Variants in VPS13B observed in about 807,000 individuals in gnomAD.
The protein encoded by VPS13B is vacuolar protein sorting 13 homolog B.
VPS13B carries 285 observed loss-of-function variants against 426.4 expected under a neutral mutation model. The observed-to-expected ratio is 0.67, with a 90% CI of 0.61 to 0.74. VPS13B has a LOEUF of 0.74. Among genes scored for constraint, VPS13B ranks in the 30% least tolerant of loss-of-function variants. The pLI is 0.00. For missense variants in VPS13B, 4,537 were observed against 4,782.6 expected (o/e 0.95, Z 1.51); for synonymous variants, 1,676 against 1,676.4 (o/e 1.00, Z 0.01).
At chr8:99,721,170 TGTGTGTGTG>T in intron 39 of VPS13B, 123 bp downstream of exon 39, 1 of 1,016,846 alleles carries the variant, frequency 9.8e-7, no homozygotes, top group Middle Eastern at 2.1e-4. Flanking sequence ...AATACACATC[TGTGTGTGTG>T]GTGTGTGTGT....
At chr8:99,470,263 C>T (rs901288728) in intron 24 of VPS13B, among the ~76,000 whole-genome samples, 1 of 152,126 alleles carries the variant, frequency 6.6e-6, no homozygotes, top group South Asian at 2.1e-4. Flanking sequence ...ACTGATTATT[C>T]CTATATACTC....
intron 3 of VPS13B, among the ~76,000 whole-genome samples, chr8:99,066,457 A>G (rs951925093): frequency 3.9e-5 from 6 of 152,338 alleles, no homozygotes; most frequent in African/African-American, 1.2e-4. Context: ...ATATGTAGAA[A>G]GCTGAAACTG....
At chr8:99,284,734 G>GTGTGTGTA (rs112069581) in intron 19 of VPS13B, among the ~76,000 whole-genome samples, 120,194 of 150,892 alleles carry the variant, frequency 0.8, 48,344 homozygotes, top group South Asian at 0.88. Context: ...GTGTGTGTGT[G>GTGTGTGTA]TGTTTTTGTA....
In VPS13B at chr8:99,853,471, C is replaced by A. The variant is rs1219748926; in HGVS notation, c.10082C>A (p.Thr3361Lys). The A allele has an allele frequency of 3.7e-6, 6 of 1,614,058 alleles. No homozygotes were observed. In the African/African-American group the frequency reaches 4.0e-5, roughly 11 times the overall value. ...TCTAGAGCGCCAGAGAAGATTGTTA[C>A]ATTTAAAATGTTCATCACTCAGTTA... ...NTNRAPEKIV[T>K]FKMFITQLSL... Residue 3361 changes from threonine (T) to lysine (K), a missense_variant, in exon 56 of 62, where the codon ACA (threonine) becomes AAA (lysine). Transcript: ENST00000357162.
At chr8:99,252,581 C>T (rs79132217) in intron 17 of VPS13B, among the ~76,000 whole-genome samples, 9,622 of 151,970 alleles carry the variant, frequency 0.063, 396 homozygotes, top group African/African-American at 0.11. Flanking sequence ...TGTTGATATC[C>T]TTGCTGATAT....
chr8:99,555,624 G>T (rs1416016165), intron 30 of VPS13B, among the ~76,000 whole-genome samples: 2 of 152,018 alleles, frequency 1.3e-5, no homozygotes, highest in African/African-American at 2.4e-5. Flanking sequence ...CCAAATTCAG[G>T]CAGACTTAAG....
At chr8:99,103,465 GACT>G (rs1337571588) in intron 5 of VPS13B, among the ~76,000 whole-genome samples, 4 of 142,584 alleles carry the variant, frequency 2.8e-5, no homozygotes, top group African/African-American at 1.0e-4. Flanking sequence ...GAGTAGCTGA[GACT>G]ACAGGCACAT....
At chr8:99,329,125 G>C (rs190365841) in intron 19 of VPS13B, among the ~76,000 whole-genome samples, 49 of 152,078 alleles carry the variant, frequency 3.2e-4, no homozygotes, top group Non-Finnish European at 4.1e-4. Context: ...CTTCCAGTTG[G>C]GCTCTTTCTG....
At chr8:99,561,441 A>C (rs980602727) in intron 31 of VPS13B, among the ~76,000 whole-genome samples, 1 of 152,158 alleles carries the variant, frequency 6.6e-6, no homozygotes, top group Non-Finnish European at 1.5e-5. Context: ...TAAGTGATCT[A>C]TGATTTATAA....
chr8:99,128,396 A>C (rs1281300982), intron 8 of VPS13B, among the ~76,000 whole-genome samples: 54 of 124,912 alleles, frequency 4.3e-4, no homozygotes, highest in East Asian at 6.7e-4. Context: ...CAAAAAAAAA[A>C]AAAAAAAAAA....
intron 30 of VPS13B, among the ~76,000 whole-genome samples, chr8:99,535,131 A>C (rs996876903): frequency 2.0e-5 from 3 of 152,212 alleles, no homozygotes; most frequent in Admixed American, 6.5e-5. Flanking sequence ...TAATTAATTT[A>C]ATGTGCAGAA....
chr8:99,258,039 G>A (rs1238353269), intron 17 of VPS13B, among the ~76,000 whole-genome samples: 2 of 147,426 alleles, frequency 1.4e-5, no homozygotes, highest in Non-Finnish European at 3.0e-5. Context: ...TCATATCAAT[G>A]CCATGTGTTT....
At chr8:99,321,122 G>T (rs955966858) in intron 19 of VPS13B, among the ~76,000 whole-genome samples, 3 of 151,772 alleles carry the variant, frequency 2.0e-5, no homozygotes, top group African/African-American at 4.8e-5. Context: ...AAACTATCAG[G>T]TTATAATTTA....
chr8:99,281,030 A>G (rs1819143797), intron 19 of VPS13B, among the ~76,000 whole-genome samples: 1 of 152,154 alleles, frequency 6.6e-6, no homozygotes, highest in African/African-American at 2.4e-5. Context: ...GACCTGCTTC[A>G]TGGAAGACAA....
In VPS13B at chr8:99,402,450, G is replaced by C. The variant is rs1170589887; in HGVS notation, c.3082+10746G>C. On this transcript the variant is annotated intron_variant, in intron 21 of 61. Transcript: ENST00000357162. ...TGGTCGGGACTGGAACAGAACTTGA[G>C]CTGTTTTGGTCAGTCCCTTCCTATC... Among the ~76,000 whole-genome samples, 5 of 152,234 alleles carry C rather than the reference G, an allele frequency of 3.3e-5. No individual in the cohort carries two copies. In the East Asian group the frequency reaches 7.7e-4, roughly 23 times the overall value.
intron 27 of VPS13B, among the ~76,000 whole-genome samples, chr8:99,506,353 A>G (rs1821500818): frequency 6.6e-6 from 1 of 152,246 alleles, no homozygotes; most frequent in Admixed American, 6.5e-5. Context: ...TATCAAAATG[A>G]TCTTTGCAAG....
intron 19 of VPS13B, among the ~76,000 whole-genome samples, chr8:99,314,221 C>T (rs1821182464): frequency 6.6e-6 from 1 of 152,058 alleles, no homozygotes; most frequent in South Asian, 2.1e-4. Context: ...CCCGGTACCT[C>T]AGTTGGAAAT....
chr8:99,813,197 T>G (rs567605475), intron 44 of VPS13B, among the ~76,000 whole-genome samples: 2 of 152,314 alleles, frequency 1.3e-5, no homozygotes, highest in Admixed American at 1.3e-4. Flanking sequence ...CTTCCCTCCC[T>G]GGCCACTTTT....
At chr8:99,575,188 T>C (rs1825720272) in intron 31 of VPS13B, among the ~76,000 whole-genome samples, 1 of 152,044 alleles carries the variant, frequency 6.6e-6, no homozygotes, top group East Asian at 1.9e-4. Flanking sequence ...ATTAACATTG[T>C]TCTTAGACCT....
Sources: gnomAD v4.1 joint callset for allele counts (sites outside exome capture counted in the v4.1 genomes callset) on GRCh38, gnomAD v4.1.1 for gene constraint, MANE v1.5 for transcripts, NCBI Gene and HGNC (gene_info 2026-07-23, HGNC 2026-07-21) for gene names.